Variants in RCAN2 observed in about 807,000 individuals in gnomAD.
RCAN2 encodes regulator of calcineurin 2.
A neutral mutation model predicts 23.6 loss-of-function variants in RCAN2; 9 were observed. The observed-to-expected ratio is 0.38, with a 90% CI of 0.23 to 0.67. The LOEUF (loss-of-function observed/expected upper bound fraction) is 0.67. RCAN2 is among the 30% of genes least tolerant of loss of function. The pLI is 0.51. For missense variants in RCAN2, 273 were observed against 302.3 expected, an observed-to-expected ratio of 0.90 and a Z score of 0.72; for synonymous variants, 109 against 115.7, an observed-to-expected ratio of 0.94 and a Z score of 0.37.
chr6:46,437,999 T>C (rs1274058014), intron 2 of RCAN2, among the ~76,000 whole-genome samples: 1 of 152,152 alleles, frequency 6.6e-6, no homozygotes, highest in African/African-American at 2.4e-5. Flanking sequence ...ACAAATAAAA[T>C]GTTTCTTTCC....
intron 2 of RCAN2, among the ~76,000 whole-genome samples, chr6:46,428,162 C>T (rs1294898840): frequency 1.3e-5 from 2 of 152,206 alleles, no homozygotes; most frequent in African/African-American, 4.8e-5. Flanking sequence ...TTGTCCTATT[C>T]CTCTCAGATA....
chr6:46,399,553 C>A (rs1197511869), intron 2 of RCAN2, among the ~76,000 whole-genome samples: 1 of 151,810 alleles, frequency 6.6e-6, no homozygotes, highest in African/African-American at 2.4e-5. Flanking sequence ...GTGCTGGAGG[C>A]TGGAAGTCTA....
At chr6:46,303,252 T>C (rs1362260087) in intron 2 of RCAN2, among the ~76,000 whole-genome samples, 1 of 151,928 alleles carries the variant, frequency 6.6e-6, no homozygotes, top group Admixed American at 6.6e-5. Flanking sequence ...ATGTATATCT[T>C]CATATTAGCC....
At chr6:46,248,381 C>A (rs1026637179) in intron 3 of RCAN2, among the ~76,000 whole-genome samples, 34 of 152,280 alleles carry the variant, frequency 2.2e-4, no homozygotes, top group African/African-American at 7.7e-4. Context: ...TACTAGCGGG[C>A]ATTTATTGTG....
chr6:46,394,708 G>C (rs1279249176), intron 2 of RCAN2, among the ~76,000 whole-genome samples: 1 of 152,160 alleles, frequency 6.6e-6, no homozygotes, highest in Non-Finnish European at 1.5e-5. Context: ...GCAAAGGGGA[G>C]GGAGGACCTG....
chr6:46,435,964 A>T (rs1767351363), intron 2 of RCAN2, among the ~76,000 whole-genome samples: 1 of 152,250 alleles, frequency 6.6e-6, no homozygotes, highest in Admixed American at 6.5e-5. Flanking sequence ...ATTTATTGGT[A>T]CAGTAAGGAA....
intron 2 of RCAN2, among the ~76,000 whole-genome samples, chr6:46,415,073 G>A (rs1293656710): frequency 6.6e-6 from 1 of 152,152 alleles, no homozygotes; most frequent in Non-Finnish European, 1.5e-5. Context: ...ACTGAGGCAA[G>A]GGGTTTGAGC....
At chr6:46,363,992 T>G (rs898431371) in intron 2 of RCAN2, among the ~76,000 whole-genome samples, 3 of 152,198 alleles carry the variant, frequency 2.0e-5, no homozygotes, top group African/African-American at 7.2e-5. Context: ...AAATTGAATT[T>G]GCACCAGAAA....
chr6:46,466,914 C>T (rs1768402474), intron 1 of RCAN2, among the ~76,000 whole-genome samples: 1 of 152,178 alleles, frequency 6.6e-6, no homozygotes, highest in Admixed American at 6.5e-5. Flanking sequence ...CCAATTTCCT[C>T]AAGCTTTCCT....
intron 2 of RCAN2, among the ~76,000 whole-genome samples, chr6:46,453,497 G>GT (rs1446248743): frequency 2.0e-5 from 3 of 152,178 alleles, no homozygotes; most frequent in African/African-American, 7.2e-5. Flanking sequence ...ACACAAAGCT[G>GT]TTTTTTAACA....
intron 4 of RCAN2, among the ~76,000 whole-genome samples, chr6:46,225,004 T>G (rs1765611087): frequency 6.9e-6 from 1 of 144,154 alleles, no homozygotes; most frequent in Non-Finnish European, 1.5e-5. Context: ...CATTGTTCAA[T>G]TCCCACCTAT....
chr6:46,234,740 C>T (rs1031356589), intron 4 of RCAN2, among the ~76,000 whole-genome samples: 6 of 152,220 alleles, frequency 3.9e-5, no homozygotes, highest in South Asian at 2.1e-4. Flanking sequence ...ACATGGTTAA[C>T]GTTAAATTCT....
At chr6:46,394,399 A>G (rs894652317) in intron 2 of RCAN2, among the ~76,000 whole-genome samples, 1 of 146,688 alleles carries the variant, frequency 6.8e-6, no homozygotes, top group Admixed American at 6.7e-5. Context: ...TTAGTTTCAC[A>G]TTTATGACTT....
chr6:46,330,958 A>G (rs1240508774), intron 2 of RCAN2, among the ~76,000 whole-genome samples: 2 of 152,182 alleles, frequency 1.3e-5, no homozygotes, highest in Non-Finnish European at 2.9e-5. Flanking sequence ...GTGTACTTCT[A>G]TCAGTGGGTA....
In RCAN2 at chr6:46,343,138, C is replaced by T. The variant is rs192204216; in HGVS notation, c.226-94242G>A. ...TCTAAATTAAACAGAAAATATCAAG[C>T]AGGAAGAAGAAAAAGACATTATATA... is the stretch of plus-strand genomic sequence containing the variant. On this transcript the variant is annotated intron_variant, in intron 2 of 4. Coordinates refer to ENST00000371374, the MANE Select transcript of RCAN2 (RefSeq NM_001251974.2). 3.6e-4 allele frequency among the ~76,000 whole-genome samples: 55 copies of T among 151,918 alleles called. 2 individuals are homozygous for T. The East Asian group carries it at 6.0e-3, about 17-fold the overall frequency.
At position 46,454,292 on chromosome 6, in the gene RCAN2, G is replaced by T. The variant is rs570029943; in HGVS notation, c.225+2460C>A. ...ATCATAATAGTTTTTTAAAAAGGAG[G>T]TTAAATGAAAGAAATATGAATTTCT... On this transcript the variant is annotated intron_variant, in intron 2 of 4. Coordinates refer to ENST00000371374, the MANE Select transcript of RCAN2 (RefSeq NM_001251974.2). 6.0e-4 allele frequency among the ~76,000 whole-genome samples: 91 copies of T among 152,252 alleles called. 1 individual carries two copies. Among genetic ancestry groups the T allele is most frequent in the African/African-American group, 1.9e-3 (79 of 41,552 alleles).
intron 1 of RCAN2, among the ~76,000 whole-genome samples, chr6:46,484,407 C>T (rs1768941990): frequency 6.6e-6 from 1 of 151,764 alleles, no homozygotes; most frequent in South Asian, 2.1e-4. Context: ...AAAGACCTGC[C>T]TGTCTGAAGC....
At chr6:46,410,180 C>T (rs187967222) in intron 2 of RCAN2, among the ~76,000 whole-genome samples, 17 of 152,244 alleles carry the variant, frequency 1.1e-4, no homozygotes, top group African/African-American at 4.1e-4. Context: ...AAAAGTTATA[C>T]CATTAGTTTC....
intron 1 of RCAN2, among the ~76,000 whole-genome samples, chr6:46,485,226 G>A (rs534458303): frequency 1.3e-5 from 2 of 152,218 alleles, no homozygotes; most frequent in African/African-American, 2.4e-5. Context: ...AATGAATTAC[G>A]ATAAAATTAT....
Sources: gnomAD v4.1 joint callset for allele counts (sites outside exome capture counted in the v4.1 genomes callset) on GRCh38, gnomAD v4.1.1 for gene constraint, MANE v1.5 for transcripts, NCBI Gene and HGNC (gene_info 2026-07-23, HGNC 2026-07-21) for gene names.